TGM6: variants seen among roughly 807,000 people sequenced by gnomAD.
The protein encoded by TGM6 is protein-glutamine gamma-glutamyltransferase 6.
A neutral mutation model predicts 77.5 loss-of-function variants in TGM6; 74 were observed. The observed-to-expected ratio is 0.96, with a 90% CI of 0.79 to 1.16. The LOEUF (loss-of-function observed/expected upper bound fraction) is 1.16, where lower values mean the gene tolerates loss of function less well. Ranked by LOEUF, TGM6 falls within the 50% of genes most tolerant of loss-of-function variation. The pLI, the probability that TGM6 is intolerant of heterozygous loss-of-function variation, is 0.00. For synonymous variants in TGM6, 383 were observed against 378.9 expected, an observed-to-expected ratio of 1.01 and a Z score of -0.12; for missense variants, 968 against 940.2, an observed-to-expected ratio of 1.03 and a Z score of -0.39.
intron 9 of TGM6, among the ~76,000 whole-genome samples, chr20:2,409,238 G>A (rs1477978062): frequency 6.6e-6 from 1 of 152,146 alleles, no homozygotes; most frequent in Admixed American, 6.5e-5. Context: ...TATCCAGTGA[G>A]CCAAAGGAAA....
At chr20:2,420,465 A>G (rs1333766292) in intron 10 of TGM6, among the ~76,000 whole-genome samples, 1 of 152,200 alleles carries the variant, frequency 6.6e-6, no homozygotes, top group Non-Finnish European at 1.5e-5. Context: ...TTAATGAGCC[A>G]ATATTGGCAC....
At position 2,430,509 on chromosome 20, in the gene TGM6, A is replaced by C. The variant is rs772615096; in HGVS notation, c.1742A>C (p.Lys581Thr). Reference protein sequence around the residue: ...KYKEDLTEDKKILLAAMCLVT... With the variant: ...KYKEDLTEDKTILLAAMCLVT... ...AAAGAAGACCTGACAGAGGACAAGA[A>C]GATCCTGTTGGCTGCCATGTGCCTT... The change falls in exon 11 of 13, where the codon AAG (lysine) becomes ACG (threonine). Residue 581 changes from lysine (K) to threonine (T), a missense_variant. Lys to Thr is a moderately conservative substitution (Grantham distance 78, BLOSUM62 -1). Transcript: ENST00000202625. The C allele has an allele frequency of 3.1e-6, 5 of 1,614,108 alleles. No individual in the cohort carries two copies. The African/African-American group carries it at 6.7e-5, about 22-fold the overall frequency.
At position 2,406,831 on chromosome 20, in the gene TGM6, C is replaced by CAAAAAAAAAAAAAAAA. The variant is rs3050731; in HGVS notation, c.1336+3028_1336+3043dup. On this transcript the variant is annotated intron_variant, in intron 9 of 12. Coordinates refer to ENST00000202625, the MANE Select transcript of TGM6 (RefSeq NM_198994.3). ...CCTCAGCAACAAGTGCGAAACTCCT[C>CAAAAAAAAAAAAAAAA]AAAAAAAAAAAAAAAAAAAAAAAAA... 8.9e-4 allele frequency among the ~76,000 whole-genome samples: 57 copies of CAAAAAAAAAAAAAAAA among 63,702 alleles called. 5 individuals are homozygous for CAAAAAAAAAAAAAAAA. Among genetic ancestry groups the CAAAAAAAAAAAAAAAA allele is most frequent in the African/African-American group, 1.1e-3 (24 of 22,386 alleles). 41.8% of individuals were successfully genotyped at this position (63,702 alleles called of 152,430 possible).
intron 10 of TGM6, among the ~76,000 whole-genome samples, chr20:2,420,106 G>A (rs554168789): frequency 4.1e-4 from 63 of 152,246 alleles, no homozygotes; most frequent in Middle Eastern, 6.8e-3. Flanking sequence ...TTAGCCGGGC[G>A]TGGCGGCATG....
chr20:2,426,812 T>C (rs1170081774), intron 10 of TGM6, among the ~76,000 whole-genome samples: 1 of 152,190 alleles, frequency 6.6e-6, no homozygotes, highest in Non-Finnish European at 1.5e-5. Flanking sequence ...ACTATATTAA[T>C]TGACCTTTAA....
At chr20:2,389,937 T>C (rs1483800361) in intron 1 of TGM6, among the ~76,000 whole-genome samples, 1 of 152,196 alleles carries the variant, frequency 6.6e-6, no homozygotes, top group Non-Finnish European at 1.5e-5. Context: ...CTTATGACAC[T>C]AGCCTCAATT....
At chr20:2,411,678 C>CT (rs2084784961) in intron 9 of TGM6, among the ~76,000 whole-genome samples, 2 of 152,142 alleles carry the variant, frequency 1.3e-5, no homozygotes, top group African/African-American at 4.8e-5. Flanking sequence ...AAATAGATAT[C>CT]TTTTTTAAAA....
At chr20:2,431,923 C>T (rs1209515190) in intron 12 of TGM6, among the ~76,000 whole-genome samples, 2 of 152,120 alleles carry the variant, frequency 1.3e-5, no homozygotes, top group Non-Finnish European at 2.9e-5. Flanking sequence ...CTAGGTGGAA[C>T]AGAGCAGATG....
chr20:2,428,287 A>G (rs1245090282), intron 10 of TGM6, among the ~76,000 whole-genome samples: 1 of 152,174 alleles, frequency 6.6e-6, no homozygotes, highest in Non-Finnish European at 1.5e-5. Flanking sequence ...TTCTAGGGAA[A>G]GGGGTCTCAG....
intron 7 of TGM6, among the ~76,000 whole-genome samples, chr20:2,401,554 A>G (rs753187432): frequency 8.5e-5 from 13 of 152,244 alleles, no homozygotes; most frequent in Middle Eastern, 3.2e-3. Context: ...GTTTTAAGTA[A>G]TAACGTAACA....
chr20:2,419,171 C>T (rs2084839652), intron 10 of TGM6, among the ~76,000 whole-genome samples: 1 of 152,190 alleles, frequency 6.6e-6, no homozygotes, highest in South Asian at 2.1e-4. Context: ...CTGTCTGTCT[C>T]TCTGTCTCTG....
At chr20:2,409,310 A>G (rs981755167) in intron 9 of TGM6, among the ~76,000 whole-genome samples, 1 of 152,218 alleles carries the variant, frequency 6.6e-6, no homozygotes, top group Non-Finnish European at 1.5e-5. Context: ...AATATGCCAA[A>G]ATTTATAAGA....
chr20:2,394,654 C>T (rs373807117), intron 2 of TGM6, 29 bp downstream of exon 2: 17 of 1,589,932 alleles, frequency 1.1e-5, no homozygotes, highest in Non-Finnish European at 1.3e-5. Context: ...ACCCTCTTCT[C>T]GTCTGCAGCT....
Position 2,428,996 on chromosome 20 carries a change from A to AT in TGM6, c.1679-1442dup, listed in dbSNP as rs949458252. Among the ~76,000 whole-genome samples, 200 of 151,632 alleles carry AT rather than the reference A, an allele frequency of 1.3e-3. 1 individual carries two copies. The highest frequency in any genetic ancestry group is 4.7e-3 in the African/African-American group (196 of 41,294). On this transcript the variant is annotated intron_variant, in intron 10 of 12. Transcript: ENST00000202625. ...AACACCACGCCCTGCTAATTTTGTA[A>AT]TTTTTTTTAGTAGAGACAGGGTTTC...
chr20:2,400,484 G>A lies in TGM6; in HGVS notation c.989+40G>A, dbSNP rs749318253. 1.4e-4 allele frequency: 222 copies of A among 1,613,256 alleles called. 1 individual carries two copies. The highest frequency in any genetic ancestry group is 1.8e-4 in the Non-Finnish European group (212 of 1,179,802). Reference sequence around the variant, plus strand: ...CAGCCTAGGCCCGAGGGCTCTGGAAGCCCAGCAGGTGGAGCAAGGCCTCAT... The same window carrying A: ...CAGCCTAGGCCCGAGGGCTCTGGAAACCCAGCAGGTGGAGCAAGGCCTCAT... On this transcript the variant is annotated intron_variant, in intron 7 of 12. Transcript: ENST00000202625.
chr20:2,432,747 T>C lies in TGM6; in HGVS notation c.*104T>C. 1.3e-6 allele frequency: 2 copies of C among 1,521,758 alleles called. No homozygotes were observed. The highest frequency in any genetic ancestry group is 1.8e-6 in the Non-Finnish European group (2 of 1,102,870). The allele number at this position is 1,521,758 out of a possible 1,614,324, so 94.3% of individuals were successfully genotyped here. A position where few individuals can be genotyped will look rare whatever the true frequency, so the allele number is the denominator to read the frequency against. The stretch of plus-strand genomic sequence containing the variant: ...CCAGGAGGCCTCAGTTAATCCTGCC[T>C]CAACCTCTGCCCTACTTTGTAAACT... On this transcript the variant is annotated 3_prime_UTR_variant, in exon 13 of 13. Transcript: ENST00000202625.
chr20:2,427,595 G>A (rs1399918744), intron 10 of TGM6, among the ~76,000 whole-genome samples: 4 of 152,066 alleles, frequency 2.6e-5, no homozygotes, highest in Admixed American at 6.5e-5. Context: ...TGAGTTTAAC[G>A]TGTTCTCCTT....
At chr20:2,413,610 G>A (rs1256986593) in intron 9 of TGM6, among the ~76,000 whole-genome samples, 1 of 152,092 alleles carries the variant, frequency 6.6e-6, no homozygotes, top group Non-Finnish European at 1.5e-5. Flanking sequence ...TTCAACAAAT[G>A]GTGTTGGGAC....
At chr20:2,416,898 T>C (rs2084819871) in intron 9 of TGM6, among the ~76,000 whole-genome samples, 1 of 152,056 alleles carries the variant, frequency 6.6e-6, no homozygotes, top group Admixed American at 6.5e-5. Context: ...CCTTGTCTGT[T>C]AAATGTGGGT....
Sources: gnomAD v4.1 joint callset for allele counts (sites outside exome capture counted in the v4.1 genomes callset) on GRCh38, gnomAD v4.1.1 for gene constraint, MANE v1.5 for transcripts, NCBI Gene and HGNC (gene_info 2026-07-23, HGNC 2026-07-21) for gene names.